MYO6: variants seen among roughly 807,000 people sequenced by gnomAD.
MYO6 encodes the protein unconventional myosin-VI.
MYO6 carries 74 observed loss-of-function variants against 178.7 expected under a neutral mutation model. That is an observed-to-expected ratio of 0.41 (90% CI 0.34 to 0.50). The LOEUF is 0.50. Among genes scored for constraint, MYO6 ranks in the 20% least tolerant of loss-of-function variants. MYO6 has a pLI of 0.09. For synonymous variants in MYO6, 477 were observed against 504.6 expected, an observed-to-expected ratio of 0.95 and a Z score of 0.73; for missense variants, 1,330 against 1,547.4, an observed-to-expected ratio of 0.86 and a Z score of 2.36.
At chr6:75,755,672 T>A (rs1346962662) in intron 1 of MYO6, among the ~76,000 whole-genome samples, 2 of 152,204 alleles carry the variant, frequency 1.3e-5, no homozygotes, top group Non-Finnish European at 2.9e-5. Context: ...GTTACAACTG[T>A]CTTTGTAAAG....
At position 75,892,515 on chromosome 6, in the gene MYO6, T is replaced by G. The variant is rs746021625; in HGVS notation, c.2947-15T>G. The G allele has an allele frequency of 6.2e-7, 1 of 1,614,008 alleles. No individual in the cohort carries two copies. The highest frequency in any genetic ancestry group is 1.3e-5 in the African/African-American group (1 of 75,048). On this transcript the variant is annotated splice_polypyrimidine_tract_variant and intron_variant, in intron 27 of 34. Coordinates refer to ENST00000369977, the MANE Select transcript of MYO6 (RefSeq NM_004999.4). The stretch of plus-strand genomic sequence containing the variant: ...GTGAAGAACTCTTGGTGAAATAGCT[T>G]TCTGCCCTTGTCAGGCTGAAGTGGA...
chr6:75,752,849 G>T (rs1372956034), intron 1 of MYO6, among the ~76,000 whole-genome samples: 1 of 152,152 alleles, frequency 6.6e-6, no homozygotes, highest in African/African-American at 2.4e-5. Context: ...ACTTTGATAG[G>T]TTTGTGAGAA....
At chr6:75,821,624 TAC>T (rs3839376) in intron 2 of MYO6, among the ~76,000 whole-genome samples, 5 of 150,868 alleles carry the variant, frequency 3.3e-5, no homozygotes, top group African/African-American at 1.2e-4. Context: ...GTTGTAGCTT[TAC>T]ACACACACAC....
intron 1 of MYO6, among the ~76,000 whole-genome samples, chr6:75,807,585 CAA>C (rs1195088055): frequency 1.3e-5 from 2 of 152,062 alleles, no homozygotes; most frequent in African/African-American, 4.8e-5. Flanking sequence ...ATCCAGACCC[CAA>C]GAGAGAGGGT....
intron 30 of MYO6, among the ~76,000 whole-genome samples, chr6:75,899,142 T>C (rs1279531398): frequency 2.0e-5 from 3 of 152,172 alleles, no homozygotes; most frequent in Non-Finnish European, 2.9e-5. Context: ...TGTACTTCTT[T>C]GGATGCTATG....
chr6:75,781,815 G>A (rs761189805), intron 1 of MYO6, among the ~76,000 whole-genome samples: 1 of 151,162 alleles, frequency 6.6e-6, no homozygotes, highest in African/African-American at 2.4e-5. Flanking sequence ...TTATTCGGGC[G>A]GCTGAGGCAG....
chr6:75,894,856 T>G (rs3798429), intron 28 of MYO6: 663,338 of 1,458,538 alleles, frequency 0.45, 155,644 homozygotes, highest in Middle Eastern at 0.51. Flanking sequence ...AATTGTTTTC[T>G]ATGTATGTCA....
At chr6:75,784,934 G>A (rs546209155) in intron 1 of MYO6, among the ~76,000 whole-genome samples, 1 of 152,310 alleles carries the variant, frequency 6.6e-6, no homozygotes, top group South Asian at 2.1e-4. Context: ...GTGGGGGGCA[G>A]TGTAATAATG....
intron 7 of MYO6, among the ~76,000 whole-genome samples, 175 bp from the exon 8 acceptor site, chr6:75,840,410 C>T (rs1380687915): frequency 6.6e-6 from 1 of 152,074 alleles, no homozygotes; most frequent in Admixed American, 6.6e-5. Flanking sequence ...ATCCACCTGC[C>T]TCGGCCTCCC....
At position 75,855,134 on chromosome 6, in the gene MYO6, A is replaced by G. The variant is rs774020683; in HGVS notation, c.1079-5A>G. On this transcript the variant is annotated splice_polypyrimidine_tract_variant and splice_region_variant and intron_variant, in intron 11 of 34. Coordinates refer to ENST00000369977, the MANE Select transcript of MYO6 (RefSeq NM_004999.4). ...TTAATTTCAATGAAAATATATTTCT[A>G]TTAGGTGGTTGTAATCTGAAGAATA... The G allele has an allele frequency of 2.5e-6, 4 of 1,596,088 alleles. No homozygotes were observed. The highest frequency in any genetic ancestry group is 2.2e-5 in the East Asian group (1 of 44,512).
intron 10 of MYO6, among the ~76,000 whole-genome samples, chr6:75,845,683 AAAAC>A (rs1302961058): frequency 8.0e-5 from 12 of 150,538 alleles, no homozygotes; most frequent in Admixed American, 6.6e-4. Flanking sequence ...AACAGAATTA[AAAAC>A]AAACAAAAAA....
intron 1 of MYO6, among the ~76,000 whole-genome samples, chr6:75,811,111 T>G (rs1396525330): frequency 5.8e-5 from 8 of 138,906 alleles, no homozygotes; most frequent in African/African-American, 1.3e-4. Flanking sequence ...TTGGTGGGGG[T>G]GGTGGGGATT....
At chr6:75,755,346 A>G (rs1777257666) in intron 1 of MYO6, among the ~76,000 whole-genome samples, 1 of 152,128 alleles carries the variant, frequency 6.6e-6, no homozygotes, top group African/African-American at 2.4e-5. Context: ...CTTTCCCCCT[A>G]TTGCTTATGT....
chr6:75,873,084 A>G lies in MYO6; in HGVS notation c.1984-123A>G, dbSNP rs1355227331. ...CACTGCTCCCAGCCTTGAGTTCTTT[A>G]GTAATTACTTTTACAGGTTCATATG... On this transcript the variant is annotated intron_variant, in intron 19 of 34. Transcript: ENST00000369977. The G allele has an allele frequency of 7.6e-6, 6 of 791,252 alleles. No homozygotes were observed. In the East Asian group the frequency reaches 1.4e-4, roughly 18 times the overall value. 49.0% of individuals were successfully genotyped at this position (791,252 alleles called of 1,614,324 possible). A position where few individuals can be genotyped will look rare whatever the true frequency, so the allele number is the denominator to read the frequency against.
chr6:75,911,481 T>A (rs1384565316), intron 32 of MYO6, among the ~76,000 whole-genome samples, 191 bp from the exon 33 acceptor site: 1 of 151,910 alleles, frequency 6.6e-6, no homozygotes, highest in Non-Finnish European at 1.5e-5. Context: ...GCCTAATGAG[T>A]CAAAATAGCC....
intron 18 of MYO6, 44 bp from the exon 19 acceptor site, chr6:75,870,595 ACTGTGTAC>A (rs1412478237): frequency 7.1e-7 from 1 of 1,402,850 alleles, no homozygotes; most frequent in African/African-American, 1.4e-5. Context: ...AACTCATGAC[ACTGTGTAC>A]TTTGGCTTTT....
intron 6 of MYO6, among the ~76,000 whole-genome samples, chr6:75,835,682 T>C (rs1406892694): frequency 1.3e-5 from 2 of 152,148 alleles, no homozygotes; most frequent in African/African-American, 4.8e-5. Flanking sequence ...TCCACCCTCC[T>C]TGGCCTCCCA....
At chr6:75,897,688 A>G (rs1193787415) in intron 29 of MYO6, among the ~76,000 whole-genome samples, 2 of 152,248 alleles carry the variant, frequency 1.3e-5, no homozygotes, top group Non-Finnish European at 2.9e-5. Flanking sequence ...AATAAGTTAA[A>G]GAAGTGTTGA....
chr6:75,882,490 C>T (rs958524622), intron 23 of MYO6, among the ~76,000 whole-genome samples: 6 of 152,172 alleles, frequency 3.9e-5, no homozygotes, highest in South Asian at 2.1e-4. Flanking sequence ...CCACCATCCC[C>T]TCTTAAATCC....
Sources: allele counts gnomAD v4.1 joint callset (sites outside exome capture counted in the v4.1 genomes callset), GRCh38; gene constraint gnomAD v4.1.1; transcripts MANE v1.5; gene names NCBI Gene and HGNC (gene_info 2026-07-23, HGNC 2026-07-21).